The following PTPRM variants were observed in gnomAD, a reference collection of about 807,000 sequenced individuals.
PTPRM encodes the protein receptor-type tyrosine-protein phosphatase mu.
PTPRM carries 47 observed loss-of-function variants against 186.7 expected under a neutral mutation model. That is an observed-to-expected ratio of 0.25 (90% CI 0.20 to 0.32). The LOEUF is 0.32. PTPRM is among the 10% of genes least tolerant of loss of function. The probability of loss-of-function intolerance (pLI) is 1.00; values close to 1 mark genes in which losing one functional copy is unlikely to be tolerated. For synonymous variants in PTPRM, 668 were observed against 674.9 expected (o/e 0.99, Z 0.16); for missense variants, 1,494 against 1,865.0 (o/e 0.80, Z 3.66).
chr18:7,947,747 T>C (rs1359880555), intron 5 of PTPRM, among the ~76,000 whole-genome samples: 1 of 152,158 alleles, frequency 6.6e-6, no homozygotes, highest in Non-Finnish European at 1.5e-5. Context: ...CACATGTCAC[T>C]TCCTCAGACT....
rs7230889 is a variant in PTPRM at position 7,924,978 on chromosome 18, A to G, written c.548-1590A>G. On this transcript the variant is annotated intron_variant, in intron 4 of 32. Coordinates refer to ENST00000580170, the MANE Select transcript of PTPRM (RefSeq NM_001105244.2). ...TCTTACACTTACTAGCCAAGTACCC[A>G]TAAGTGTTCCCCATCTTGGAAATGG... Among the ~76,000 whole-genome samples the G allele has an allele frequency of 8.4e-3, 1,279 of 152,290 alleles. 23 individuals carry two copies. Among genetic ancestry groups the G allele is most frequent in the African/African-American group, 0.03 (1,227 of 41,556 alleles).
intron 14 of PTPRM, among the ~76,000 whole-genome samples, chr18:8,167,836 C>T (rs1045024146): frequency 3.9e-5 from 6 of 152,198 alleles, no homozygotes; most frequent in African/African-American, 1.4e-4. Flanking sequence ...CTGTTCTTTG[C>T]CCCTGATGAT....
At chr18:8,398,531 C>A (rs921224108) in intron 32 of PTPRM, among the ~76,000 whole-genome samples, 1 of 151,996 alleles carries the variant, frequency 6.6e-6, no homozygotes, top group Non-Finnish European at 1.5e-5. Context: ...TTAGGGAGGC[C>A]GAGGTGGGCA....
rs527718077 is a variant in PTPRM, at chr18:7,845,189, A to G, written c.197-42917A>G. Among the ~76,000 whole-genome samples, 3 of 152,152 alleles carry G rather than the reference A, an allele frequency of 2.0e-5. No homozygotes were observed. In the East Asian group the frequency reaches 5.8e-4, roughly 29 times the overall value. On this transcript the variant is annotated intron_variant, in intron 2 of 32. Transcript: ENST00000580170. ...AGTTGTTTTCTGGGAGGAATTCATG[A>G]TCTATCATAGGTAAGTATTAAACTA...
intron 1 of PTPRM, among the ~76,000 whole-genome samples, chr18:7,698,305 C>G (rs996790016): frequency 6.6e-6 from 1 of 152,174 alleles, no homozygotes; most frequent in African/African-American, 2.4e-5. Context: ...GGAGGTGAAG[C>G]TTCCATTACT....
At chr18:8,298,950 CA>C (rs2147898841) in intron 20 of PTPRM, among the ~76,000 whole-genome samples, 1 of 152,200 alleles carries the variant, frequency 6.6e-6, no homozygotes, top group Non-Finnish European at 1.5e-5. Flanking sequence ...TCTGTCTCTA[CA>C]AAAAAATTTT....
At chr18:7,992,262 T>G (rs2147644023) in intron 7 of PTPRM, among the ~76,000 whole-genome samples, 1 of 152,266 alleles carries the variant, frequency 6.6e-6, no homozygotes, top group Middle Eastern at 3.4e-3. Context: ...TTTTTTGAAC[T>G]ATCTGCCTAT....
intron 4 of PTPRM, among the ~76,000 whole-genome samples, chr18:7,909,110 C>T (rs2050139382): frequency 6.6e-6 from 1 of 152,330 alleles, no homozygotes; most frequent in African/African-American, 2.4e-5. Flanking sequence ...CCATCTTCCA[C>T]ATCTGGCCAC....
chr18:8,266,942 C>T (rs1250351784), intron 19 of PTPRM, among the ~76,000 whole-genome samples: 2 of 152,044 alleles, frequency 1.3e-5, no homozygotes, highest in Non-Finnish European at 2.9e-5. Context: ...CCATATTATT[C>T]ATTATGCTAT....
At chr18:8,116,630 T>C (rs2091967588) in intron 13 of PTPRM, among the ~76,000 whole-genome samples, 1 of 152,186 alleles carries the variant, frequency 6.6e-6, no homozygotes, top group African/African-American at 2.4e-5. Context: ...AACAACAAAA[T>C]ATCTGTCATC....
rs144103768 is a variant in PTPRM at position 7,594,330 on chromosome 18, A to G, written c.73+26439A>G. Among the ~76,000 whole-genome samples, 53 of 152,208 alleles carry G rather than the reference A, an allele frequency of 3.5e-4. No individual in the cohort carries two copies. In the East Asian group the frequency reaches 9.3e-3, roughly 27 times the overall value. ...ACCCTGTCTCTACAAAAATATAAAA[A>G]TTAGCTGGGCATGATGGCAGGTGCC... On this transcript the variant is annotated intron_variant, in intron 1 of 32. Coordinates refer to ENST00000580170, the MANE Select transcript of PTPRM (RefSeq NM_001105244.2).
At chr18:8,252,726 C>G (rs971009893) in intron 18 of PTPRM, among the ~76,000 whole-genome samples, 1 of 152,216 alleles carries the variant, frequency 6.6e-6, no homozygotes, top group African/African-American at 2.4e-5. Context: ...ACCAGGTTCC[C>G]TTTTATTTTT....
At chr18:7,752,134 A>T (rs1262494526) in intron 1 of PTPRM, among the ~76,000 whole-genome samples, 2 of 152,166 alleles carry the variant, frequency 1.3e-5, no homozygotes, top group South Asian at 4.1e-4. Flanking sequence ...ACTCACACAT[A>T]CAGAATTAAT....
At chr18:7,914,232 A>G (rs1411012352) in intron 4 of PTPRM, among the ~76,000 whole-genome samples, 2 of 152,150 alleles carry the variant, frequency 1.3e-5, no homozygotes, top group Non-Finnish European at 2.9e-5. Flanking sequence ...ACATGTGGGA[A>G]CACAATTTGG....
intron 22 of PTPRM, among the ~76,000 whole-genome samples, chr18:8,326,539 A>G (rs1322674157): frequency 6.6e-6 from 1 of 152,234 alleles, no homozygotes; most frequent in East Asian, 1.9e-4. Flanking sequence ...AAACTGTACT[A>G]CATGGCTACA....
intron 29 of PTPRM, 95 bp downstream of exon 29, chr18:8,380,522 G>C (rs2095726546): frequency 7.0e-7 from 1 of 1,429,476 alleles, no homozygotes; most frequent in Non-Finnish European, 9.7e-7. Context: ...GCAGGCCCTA[G>C]TGCCAGATCT....
chr18:7,689,045 G>C (rs2039674459), intron 1 of PTPRM, among the ~76,000 whole-genome samples: 1 of 152,144 alleles, frequency 6.6e-6, no homozygotes, highest in African/African-American at 2.4e-5. Flanking sequence ...CAGGATCTCA[G>C]CTAGGAATAT....
At chr18:7,644,693 A>C (rs2038520483) in intron 1 of PTPRM, among the ~76,000 whole-genome samples, 1 of 152,134 alleles carries the variant, frequency 6.6e-6, no homozygotes, top group Admixed American at 6.5e-5. Flanking sequence ...CCAGCTGAAA[A>C]AAAATTGGAA....
intron 7 of PTPRM, among the ~76,000 whole-genome samples, chr18:8,049,980 G>GGATT (rs1443057876): frequency 3.9e-5 from 6 of 152,016 alleles, no homozygotes; most frequent in African/African-American, 1.4e-4. Context: ...CAAAGTGCTG[G>GGATT]GATTACAGGC....
Sources: allele counts gnomAD v4.1 joint callset (sites outside exome capture counted in the v4.1 genomes callset), GRCh38; gene constraint gnomAD v4.1.1; transcripts MANE v1.5; gene names NCBI Gene and HGNC (gene_info 2026-07-23, HGNC 2026-07-21).